Variants in AKAP9 observed in about 807,000 individuals in gnomAD.
AKAP9 encodes the protein A-kinase anchor protein 9.
AKAP9 carries 311 observed loss-of-function variants against 488.5 expected under a neutral mutation model. The ratio of observed to expected loss-of-function variants is 0.64; its 90% CI spans 0.58 to 0.70. The LOEUF is 0.70. Ranked by LOEUF, AKAP9 falls within the 30% of genes least tolerant of loss-of-function variation. AKAP9 has a pLI of 0.00. For synonymous variants in AKAP9, 1,462 were observed against 1,483.5 expected (o/e 0.99, Z 0.33); for missense variants, 4,215 against 4,374.5 (o/e 0.96, Z 1.03).
chr7:92,088,695 G>GT (rs1221966576), intron 37 of AKAP9, among the ~76,000 whole-genome samples: 3 of 152,106 alleles, frequency 2.0e-5, no homozygotes, highest in Non-Finnish European at 4.4e-5. Context: ...GGTAGTGGTG[G>GT]TTACGTGAAC....
chr7:92,006,991 GAC>G (rs1799957426), intron 8 of AKAP9, among the ~76,000 whole-genome samples: 1 of 152,216 alleles, frequency 6.6e-6, no homozygotes, highest in African/African-American at 2.4e-5. Context: ...AATAATGTCT[GAC>G]ACATGATAGG....
Position 92,083,074 on chromosome 7 carries a change from A to G in AKAP9, c.8161-96A>G. ...CTACTCTGAGGAAAATGAACGTATA[A>G]TCATGAATTACATTCCTCCCACACC... On this transcript the variant is annotated intron_variant, in intron 32 of 49. Transcript: ENST00000356239. 1.4e-6 allele frequency: 2 copies of G among 1,422,764 alleles called. 1 individual carries two copies. Among genetic ancestry groups the G allele is most frequent in the Non-Finnish European group, 1.9e-6 (2 of 1,037,984 alleles). 88.1% of individuals were successfully genotyped at this position (1,422,764 alleles called of 1,614,324 possible). A position where few individuals can be genotyped will look rare whatever the true frequency, so the allele number is the denominator to read the frequency against.
chr7:92,075,466 A>G (rs1812430241), intron 28 of AKAP9, among the ~76,000 whole-genome samples: 1 of 152,254 alleles, frequency 6.6e-6, no homozygotes, highest in Non-Finnish European at 1.5e-5. Flanking sequence ...GTGTCTACTG[A>G]GTTTAATAAC....
chr7:92,023,192 G>T (rs1802579881), intron 14 of AKAP9, among the ~76,000 whole-genome samples, 183 bp downstream of exon 14: 1 of 152,168 alleles, frequency 6.6e-6, no homozygotes, highest in South Asian at 2.1e-4. Flanking sequence ...TGAAAAAAAT[G>T]TTGATGTAAA....
At chr7:92,089,607 A>C (rs781621691) in intron 38 of AKAP9, 78 bp downstream of exon 38, 34 of 1,420,630 alleles carry the variant, frequency 2.4e-5, no homozygotes, top group Middle Eastern at 4.0e-4. Context: ...TATTATTATT[A>C]AGTTAAAACA....
At position 92,079,684 on chromosome 7, in the gene AKAP9, G is replaced by A. The variant is rs369867242; in HGVS notation, c.7551G>A (p.Gln2517=). ...GTGCAAAGGACTTAGAACTTACCCA[G>A]TGTTATAAACAAATAAAAGACATGC... The part of the protein sequence containing the change: ...TVSAKDLELT[Q]CYKQIKDMQE... The change falls in exon 31 of 50, where the codon CAG becomes CAA. Residue 2517 remains glutamine, a synonymous_variant. Coordinates refer to ENST00000356239, the MANE Select transcript of AKAP9 (RefSeq NM_005751.5). 3.2e-5 allele frequency: 52 copies of A among 1,614,068 alleles called. No individual in the cohort carries two copies. Among genetic ancestry groups the A allele is most frequent in the Non-Finnish European group, 4.2e-5 (50 of 1,179,990 alleles).
intron 10 of AKAP9, 126 bp downstream of exon 10, chr7:92,014,454 C>G: frequency 1.4e-6 from 1 of 693,270 alleles, no homozygotes; most frequent in African/African-American, 1.8e-5. Context: ...GTGGTGAAAC[C>G]CCGTCTCTAC....
chr7:92,063,972 G>A (rs1316553493), intron 24 of AKAP9, among the ~76,000 whole-genome samples: 1 of 152,042 alleles, frequency 6.6e-6, no homozygotes, highest in African/African-American at 2.4e-5. Context: ...AGTAGAGATG[G>A]GGTTTCACCA....
At chr7:92,009,940 G>A (rs1800453627) in intron 8 of AKAP9, among the ~76,000 whole-genome samples, 1 of 152,106 alleles carries the variant, frequency 6.6e-6, no homozygotes, top group African/African-American at 2.4e-5. Context: ...AGTGCAGTCA[G>A]ACAATCACAT....
At chr7:92,067,554 C>T (rs983570918) in intron 26 of AKAP9, among the ~76,000 whole-genome samples, 1 of 152,190 alleles carries the variant, frequency 6.6e-6, no homozygotes, top group Non-Finnish European at 1.5e-5. Flanking sequence ...TCCCACTTGT[C>T]ACTTGTTTGC....
chr7:92,019,532 T>C (rs544798727), intron 12 of AKAP9, among the ~76,000 whole-genome samples: 2 of 152,138 alleles, frequency 1.3e-5, no homozygotes, highest in Non-Finnish European at 2.9e-5. Flanking sequence ...GCCAGGTTGT[T>C]CTGTGTACTG....
chr7:92,048,605 C>CT (rs1301006595), intron 21 of AKAP9, among the ~76,000 whole-genome samples: 1 of 152,096 alleles, frequency 6.6e-6, no homozygotes, highest in African/African-American at 2.4e-5. Context: ...GAAATGCTGT[C>CT]TTATAGAAGG....
In AKAP9 at chr7:92,076,896, A is replaced by C. The variant is rs754117856; in HGVS notation, c.6654A>C (p.Glu2218Asp). Residue 2218 changes from glutamate (E) to aspartate (D), a missense_variant, in exon 29 of 50, where the codon GAA becomes GAC. Physicochemically the swap from Glu to Asp is conservative, Grantham distance 45. This residue lies in a region of AKAP9 where 51 missense variants were observed against 87.3 expected (regional missense o/e 0.58). Coordinates refer to ENST00000356239, the MANE Select transcript of AKAP9 (RefSeq NM_005751.5). Reference sequence around the variant, plus strand: ...AGCAATTAGAACAGTTTAGAGAAGAACTGGAAAATAAGAATGAAGAAGTTC... The same window carrying C: ...AGCAATTAGAACAGTTTAGAGAAGACCTGGAAAATAAGAATGAAGAAGTTC... ...LEEQLEQFRE[E>D]LENKNEEVQQ... The C allele has an allele frequency of 6.6e-7, 1 of 1,511,884 alleles. No individual in the cohort carries two copies. The highest frequency in any genetic ancestry group is 2.3e-5 in the East Asian group (1 of 43,924). 93.7% of individuals were successfully genotyped at this position (1,511,884 alleles called of 1,614,324 possible).
chr7:92,014,675 C>T (rs1554411236), intron 10 of AKAP9, among the ~76,000 whole-genome samples: 2 of 152,102 alleles, frequency 1.3e-5, no homozygotes, highest in Non-Finnish European at 2.9e-5. Context: ...GGTACTTTTA[C>T]ACAAGGAGTG....
intron 6 of AKAP9, among the ~76,000 whole-genome samples, chr7:91,995,086 ATGG>A (rs1798226047): frequency 6.6e-6 from 1 of 152,222 alleles, no homozygotes; most frequent in Non-Finnish European, 1.5e-5. Context: ...CAATTCTGGT[ATGG>A]TTTATTTTAG....
chr7:91,970,952 G>A (rs1235699659), intron 1 of AKAP9, among the ~76,000 whole-genome samples: 1 of 151,962 alleles, frequency 6.6e-6, no homozygotes, highest in Non-Finnish European at 1.5e-5. Flanking sequence ...TTGCATTAAA[G>A]TTAGGCATTA....
chr7:92,039,880 C>T (rs777566265), intron 17 of AKAP9, among the ~76,000 whole-genome samples: 48 of 152,288 alleles, frequency 3.2e-4, no homozygotes, highest in South Asian at 8.3e-4. Flanking sequence ...GAGGCTGAGG[C>T]AGAGGAATCA....
intron 33 of AKAP9, among the ~76,000 whole-genome samples, chr7:92,083,933 CCGT>C (rs1814059918): frequency 6.6e-6 from 1 of 152,114 alleles, no homozygotes. Flanking sequence ...ACCCATCAAC[CCGT>C]CATCTACATT....
chr7:91,990,367 CTG>C (rs1797606395), intron 3 of AKAP9, among the ~76,000 whole-genome samples: 2 of 151,858 alleles, frequency 1.3e-5, no homozygotes, highest in African/African-American at 4.8e-5. Flanking sequence ...ATTAATGATC[CTG>C]ATATTCTGTT....
Sources: allele counts gnomAD v4.1 joint callset (sites outside exome capture counted in the v4.1 genomes callset), GRCh38; gene constraint gnomAD v4.1.1; regional missense constraint gnomAD v4.1.1; transcripts MANE v1.5; gene names NCBI Gene and HGNC (gene_info 2026-07-23, HGNC 2026-07-21).